Variants in NXPE2 observed in about 807,000 individuals in gnomAD.
NXPE2 encodes neurexophilin and PC-esterase domain family member 2, also known as NXPE family member 2.
Under a neutral mutation model 34.4 loss-of-function variants are expected in NXPE2, and 34 were observed. That is an observed-to-expected ratio of 0.99 (90% CI 0.75 to 1.31). The LOEUF (loss-of-function observed/expected upper bound fraction) is 1.31, where lower values mean the gene tolerates loss of function less well. Among genes scored for constraint, NXPE2 ranks in the 40% most tolerant of loss-of-function variants. The probability of loss-of-function intolerance (pLI) is 0.00; values close to 1 mark genes in which losing one functional copy is unlikely to be tolerated. For synonymous variants in NXPE2, 235 were observed against 231.3 expected, an observed-to-expected ratio of 1.02 and a Z score of -0.15; for missense variants, 649 against 672.5, an observed-to-expected ratio of 0.97 and a Z score of 0.39.
At chr11:114,732,375 C>G in the NXPE2 span, among the ~76,000 whole-genome samples, 1 of 152,172 alleles carries the variant, frequency 6.6e-6, no homozygotes, top group Non-Finnish European at 1.5e-5. Context: ...CTGCTGAGGC[C>G]ACTTTTGCAA....
the NXPE2 span, among the ~76,000 whole-genome samples, chr11:114,500,511 T>G: frequency 1.3e-5 from 2 of 152,102 alleles, no homozygotes; most frequent in Non-Finnish European, 2.9e-5. Flanking sequence ...TCTCCACATA[T>G]TCTGGATATA....
intron 2 of NXPE2, among the ~76,000 whole-genome samples, chr11:114,693,272 G>T (rs1377791501): frequency 6.6e-6 from 1 of 152,148 alleles, no homozygotes; most frequent in Non-Finnish European, 1.5e-5. Context: ...GTGGCTGGAG[G>T]ACAAATAATG....
At chr11:114,669,705 G>A in the NXPE2 span, among the ~76,000 whole-genome samples, 7 of 152,100 alleles carry the variant, frequency 4.6e-5, no homozygotes, top group African/African-American at 1.4e-4. Context: ...AGAGAGGCAG[G>A]TCATAGCAAC....
chr11:114,804,629 TAGAG>T, the NXPE2 span, among the ~76,000 whole-genome samples: 1 of 152,234 alleles, frequency 6.6e-6, no homozygotes, highest in Non-Finnish European at 1.5e-5. Context: ...TGATTGGTCT[TAGAG>T]AGAAGTCTTC....
the NXPE2 span, among the ~76,000 whole-genome samples, chr11:114,620,489 G>A: frequency 6.6e-6 from 1 of 151,682 alleles, no homozygotes; most frequent in East Asian, 1.9e-4. Context: ...TTGCCCGGTG[G>A]ATAATAAGTG....
At chr11:114,622,081 G>A in the NXPE2 span, among the ~76,000 whole-genome samples, 1 of 151,968 alleles carries the variant, frequency 6.6e-6, no homozygotes, top group Non-Finnish European at 1.5e-5. Context: ...GTTACCTGGT[G>A]GATAATAAGT....
At chr11:114,685,058 A>T (rs1045935729) in intron 2 of NXPE2, among the ~76,000 whole-genome samples, 20 of 152,166 alleles carry the variant, frequency 1.3e-4, no homozygotes, top group African/African-American at 4.8e-4. Flanking sequence ...GAAGAGGAGG[A>T]TTATGTAGTA....
chr11:114,616,350 T>G, the NXPE2 span, among the ~76,000 whole-genome samples: 1 of 151,482 alleles, frequency 6.6e-6, no homozygotes, highest in Non-Finnish European at 1.5e-5. Context: ...GGATAAGTGT[T>G]GCCTCACGTG....
the NXPE2 span, among the ~76,000 whole-genome samples, chr11:114,577,972 C>A: frequency 1.1e-4 from 17 of 152,260 alleles, no homozygotes; most frequent in Admixed American, 9.2e-4. Flanking sequence ...TATCCATTCA[C>A]CTCAAGGATC....
the NXPE2 span, among the ~76,000 whole-genome samples, chr11:114,759,091 T>A: frequency 7.0e-6 from 1 of 143,608 alleles, no homozygotes; most frequent in Non-Finnish European, 1.6e-5. Flanking sequence ...TGCGTACACA[T>A]GCGCACACAC....
chr11:114,647,138 A>G, the NXPE2 span, among the ~76,000 whole-genome samples: 2 of 152,226 alleles, frequency 1.3e-5, 1 homozygote, highest in Admixed American at 1.3e-4. Flanking sequence ...AATATTAAAT[A>G]AAACTGCTAA....
chr11:114,777,704 C>T, the NXPE2 span, among the ~76,000 whole-genome samples: 1 of 152,156 alleles, frequency 6.6e-6, no homozygotes, highest in Admixed American at 6.5e-5. Context: ...TGTGGTTCTT[C>T]CCGTGTGAGC....
chr11:114,571,829 G>A, the NXPE2 span, among the ~76,000 whole-genome samples: 1 of 152,168 alleles, frequency 6.6e-6, no homozygotes, highest in Non-Finnish European at 1.5e-5. Flanking sequence ...GATCACCACT[G>A]CAGGCTCTCT....
chr11:114,812,418 T>A, the NXPE2 span, among the ~76,000 whole-genome samples: 45 of 152,338 alleles, frequency 3.0e-4, no homozygotes, highest in South Asian at 7.9e-3. Context: ...GTAGAGCAGG[T>A]GGCACTGGAA....
chr11:114,672,811 C>A, the NXPE2 span, among the ~76,000 whole-genome samples: 2 of 151,204 alleles, frequency 1.3e-5, no homozygotes, highest in South Asian at 4.2e-4. Flanking sequence ...CATATATAAA[C>A]GAAAACCTAC....
chr11:114,555,208 T>C, the NXPE2 span, among the ~76,000 whole-genome samples: 4 of 152,242 alleles, frequency 2.6e-5, no homozygotes, highest in East Asian at 7.7e-4. Flanking sequence ...TGAGGTATAA[T>C]TTACATTCAA....
At chr11:114,466,239 A>G in the NXPE2 span, among the ~76,000 whole-genome samples, 1 of 152,222 alleles carries the variant, frequency 6.6e-6, no homozygotes, top group African/African-American at 2.4e-5. Flanking sequence ...TGCAGTGAAA[A>G]TAATTTTGGT....
chr11:114,473,307 A>C, the NXPE2 span, among the ~76,000 whole-genome samples: 1 of 152,210 alleles, frequency 6.6e-6, no homozygotes, highest in Non-Finnish European at 1.5e-5. Context: ...AACATGAAAG[A>C]GTGTTTTTGC....
chr11:114,744,383 G>C, the NXPE2 span, among the ~76,000 whole-genome samples: 1 of 151,986 alleles, frequency 6.6e-6, no homozygotes, highest in Non-Finnish European at 1.5e-5. Context: ...TCATCCTATG[G>C]TTTACTATAA....
Sources: gnomAD v4.1 joint callset for allele counts (sites outside exome capture counted in the v4.1 genomes callset) on GRCh38, gnomAD v4.1.1 for gene constraint, MANE v1.5 for transcripts, NCBI Gene and HGNC (gene_info 2026-07-23, HGNC 2026-07-21) for gene names.